ARL8B: variants seen among roughly 807,000 people sequenced by gnomAD.
ARL8B encodes the protein ADP-ribosylation factor-like protein 8B.
Under a neutral mutation model 30.6 loss-of-function variants are expected in ARL8B, and 9 were observed. The ratio of observed to expected loss-of-function variants is 0.29; its 90% CI spans 0.18 to 0.51. The LOEUF (loss-of-function observed/expected upper bound fraction) is 0.51. Ranked by LOEUF, ARL8B falls within the 20% of genes least tolerant of loss-of-function variation. ARL8B has a pLI of 0.97. For synonymous variants in ARL8B, 74 were observed against 76.0 expected (o/e 0.97, Z 0.14); for missense variants, 130 against 227.2 (o/e 0.57, Z 2.75).
intron 1 of ARL8B, among the ~76,000 whole-genome samples, chr3:5,159,602 CA>C (rs71053495): frequency 0.051 from 3,898 of 77,160 alleles, 22 homozygotes; most frequent in Middle Eastern, 0.092. Context: ...AACTCCGTCT[CA>C]AAAAAAAAAA....
intron 1 of ARL8B, among the ~76,000 whole-genome samples, chr3:5,161,727 C>G (rs1404932051): frequency 6.6e-6 from 1 of 152,176 alleles, no homozygotes; most frequent in Non-Finnish European, 1.5e-5. Context: ...GACTCATTTT[C>G]AAGTAGCACA....
chr3:5,173,962 T>C, intron 4 of ARL8B, 55 bp from the exon 5 acceptor site: 1 of 1,295,904 alleles, frequency 7.7e-7, no homozygotes, highest in Non-Finnish European at 1.1e-6. Context: ...GATGATAAAC[T>C]TCTGTGACTT....
intron 1 of ARL8B, among the ~76,000 whole-genome samples, chr3:5,150,782 C>CAAAATAAAAT (rs546976416): frequency 3.3e-5 from 5 of 152,030 alleles, no homozygotes; most frequent in African/African-American, 1.2e-4. Context: ...GACTCTGTCT[C>CAAAATAAAAT]AAAATAAAAT....
chr3:5,168,569 G>T (rs1273593067), intron 1 of ARL8B, among the ~76,000 whole-genome samples: 1 of 152,212 alleles, frequency 6.6e-6, no homozygotes, highest in Non-Finnish European at 1.5e-5. Context: ...AAGCTCGGGG[G>T]TACCCCAGTA....
chr3:5,158,620 G>A (rs775770841), intron 1 of ARL8B, among the ~76,000 whole-genome samples: 7 of 152,100 alleles, frequency 4.6e-5, no homozygotes, highest in Non-Finnish European at 1.0e-4. Context: ...TCCAGGGTCC[G>A]TTATAACCAC....
chr3:5,151,318 C>A (rs1023398397), intron 1 of ARL8B, among the ~76,000 whole-genome samples: 32 of 152,180 alleles, frequency 2.1e-4, no homozygotes, highest in African/African-American at 7.7e-4. Context: ...TGAAGTGTGC[C>A]TGTAGTCCCA....
At chr3:5,127,228 G>A (rs919283225) in intron 1 of ARL8B, among the ~76,000 whole-genome samples, 1 of 152,178 alleles carries the variant, frequency 6.6e-6, no homozygotes, top group Non-Finnish European at 1.5e-5. Flanking sequence ...AAGCTAATTC[G>A]TAGCAGAGAT....
intron 6 of ARL8B, among the ~76,000 whole-genome samples, chr3:5,177,352 A>G (rs2054739199): frequency 6.6e-6 from 1 of 152,086 alleles, no homozygotes; most frequent in Non-Finnish European, 1.5e-5. Context: ...TCATCTGAGT[A>G]TCTTATTTCT....
rs779194749 is a variant in ARL8B at position 5,178,693 on chromosome 3, T to G, written c.541T>G (p.Ser181Ala). The change falls in exon 7 of 7, where the codon TCA becomes GCA. Residue 181 changes from serine to alanine, a missense_variant. By Grantham distance (99) the Ser-to-Ala change is moderately conservative. Transcript: ENST00000256496. ...DITLQWLIQH[S>A]KSRRS Reference sequence around the variant, plus strand: ...CACACTTCAGTGGCTTATTCAGCATTCAAAATCTAGAAGAAGCTGAAGCAT... The same window carrying G: ...CACACTTCAGTGGCTTATTCAGCATGCAAAATCTAGAAGAAGCTGAAGCAT... 15 of 1,612,474 alleles carry G rather than the reference T, an allele frequency of 9.3e-6. No homozygotes were observed. The East Asian group carries it at 3.3e-4, about 36-fold the overall frequency.
chr3:5,124,331 C>T (rs951467305), intron 1 of ARL8B, among the ~76,000 whole-genome samples: 1 of 144,500 alleles, frequency 6.9e-6, no homozygotes, highest in Non-Finnish European at 1.5e-5. Context: ...GCCTTGAACT[C>T]CTGGGCTCAA....
At chr3:5,144,826 T>A (rs1448729908) in intron 1 of ARL8B, among the ~76,000 whole-genome samples, 1 of 152,212 alleles carries the variant, frequency 6.6e-6, no homozygotes, top group African/African-American at 2.4e-5. Flanking sequence ...CTAAAACCTG[T>A]TTGACCAGTT....
intron 1 of ARL8B, among the ~76,000 whole-genome samples, chr3:5,133,661 C>T (rs1047873529): frequency 6.6e-5 from 10 of 152,132 alleles, no homozygotes; most frequent in Non-Finnish European, 1.5e-4. Flanking sequence ...CGTGGTGGCT[C>T]ATGCCAGTAA....
chr3:5,130,737 C>A (rs1034187519), intron 1 of ARL8B, among the ~76,000 whole-genome samples: 3 of 151,582 alleles, frequency 2.0e-5, no homozygotes, highest in Non-Finnish European at 4.4e-5. Flanking sequence ...GGTTTCGCTA[C>A]GTTGGCCAGG....
At chr3:5,173,915 T>C in intron 4 of ARL8B, 102 bp from the exon 5 acceptor site, 2 of 862,972 alleles carry the variant, frequency 2.3e-6, no homozygotes, top group Non-Finnish European at 3.9e-6. Flanking sequence ...CATTGTGGAA[T>C]GTGTTAACAT....
At chr3:5,157,480 C>T (rs537680452) in intron 1 of ARL8B, among the ~76,000 whole-genome samples, 103 of 135,586 alleles carry the variant, frequency 7.6e-4, no homozygotes, top group African/African-American at 3.2e-3. Flanking sequence ...CGCAAAAAAA[C>T]AAACAAAACA....
chr3:5,155,680 C>A (rs545313242), intron 1 of ARL8B, among the ~76,000 whole-genome samples: 1 of 148,244 alleles, frequency 6.7e-6, no homozygotes, highest in East Asian at 2.0e-4. Flanking sequence ...CCCCCACCCC[C>A]GCCTGGTCAA....
chr3:5,150,091 T>C (rs2054466533), intron 1 of ARL8B, among the ~76,000 whole-genome samples: 1 of 152,196 alleles, frequency 6.6e-6, no homozygotes, highest in Admixed American at 6.5e-5. Context: ...AATGCAGGGC[T>C]CATAAAATGA....
Position 5,139,756 on chromosome 3 carries a change from A to G in ARL8B, c.123+17168A>G, listed in dbSNP as rs116112308. On this transcript the variant is annotated intron_variant, in intron 1 of 6. Coordinates refer to ENST00000256496, the MANE Select transcript of ARL8B (RefSeq NM_018184.3). ...TCATGGCCCAGAAAAACTCCTATGT[A>G]ACTTCCCTTAGAGAAATGAAACTGA... Among the ~76,000 whole-genome samples, 802 of 152,290 alleles carry G rather than the reference A, an allele frequency of 5.3e-3. 7 individuals are homozygous for G. The highest frequency in any genetic ancestry group is 5.8e-3 in the Non-Finnish European group (395 of 68,026).
At chr3:5,127,773 T>C (rs1337556762) in intron 1 of ARL8B, among the ~76,000 whole-genome samples, 1 of 145,920 alleles carries the variant, frequency 6.9e-6, no homozygotes, top group Non-Finnish European at 1.5e-5. Flanking sequence ...CTCGGGAGGC[T>C]GAGGTAGGAG....
Sources: gnomAD v4.1 joint callset for allele counts (sites outside exome capture counted in the v4.1 genomes callset) on GRCh38, gnomAD v4.1.1 for gene constraint, MANE v1.5 for transcripts, NCBI Gene and HGNC (gene_info 2026-07-23, HGNC 2026-07-21) for gene names.